Variants in KCP observed in about 807,000 individuals in gnomAD.
KCP encodes the protein kielin/chordin-like protein.
KCP carries 194 observed loss-of-function variants against 212.7 expected under a neutral mutation model. That is an observed-to-expected ratio of 0.91 (90% confidence interval 0.81 to 1.03). The LOEUF is 1.03. KCP is among the 50% of genes least tolerant of loss of function. The pLI, the probability that KCP is intolerant of heterozygous loss-of-function variation, is 0.00. For synonymous variants in KCP, 833 were observed against 865.3 expected (o/e 0.96, Z 0.65); for missense variants, 2,080 against 2,162.5 (o/e 0.96, Z 0.76).
intron 22 of KCP, among the ~76,000 whole-genome samples, chr7:128,887,907 A>C: frequency 6.7e-6 from 1 of 150,314 alleles, no homozygotes; most frequent in East Asian, 2.0e-4. Context: ...ACACATACAC[A>C]TACACACCCA....
intron 11 of KCP, 72 bp downstream of exon 11, chr7:128,893,734 A>G: frequency 6.8e-7 from 1 of 1,467,732 alleles, no homozygotes; most frequent in East Asian, 2.5e-5. Context: ...CAAGAGAAGC[A>G]AATCCCCCAC....
Position 128,891,084 on chromosome 7 carries a change from G to A in KCP, c.1985C>T (p.Pro662Leu). ...CGCGCCGGGCCGTGGGCAGCCGGCGGGGGCTGGGGCGGCTGCGGCGAGACA... is the reference window on the plus strand; with the variant it reads ...CGCGCCGGGCCGTGGGCAGCCGGCGAGGGCTGGGGCGGCTGCGGCGAGACA... The part of the protein sequence containing the change: ...CCPQCPAAPA[P>L]AGCPRPGAAH... The change falls in exon 20 of 40, where the codon CCC (proline) becomes CTC (leucine). Residue 662 changes from proline to leucine, a missense_variant. By Grantham distance (98) the Pro-to-Leu change is moderately conservative (BLOSUM62 -3). Coordinates refer to ENST00000610776, the MANE Select transcript of KCP (RefSeq NM_001366122.1). 3 of 1,422,240 alleles carry A rather than the reference G, an allele frequency of 2.1e-6. No homozygotes were observed. The highest frequency in any genetic ancestry group is 3.1e-5 in the Admixed American group (1 of 32,440). The allele number at this position is 1,422,240 out of a possible 1,614,324, so 88.1% of individuals were successfully genotyped here. A position where few individuals can be genotyped will look rare whatever the true frequency, so the allele number is the denominator to read the frequency against.
At chr7:128,906,793 A>G (rs1438905504) in intron 4 of KCP, among the ~76,000 whole-genome samples, 1 of 151,772 alleles carries the variant, frequency 6.6e-6, no homozygotes, top group East Asian at 2.0e-4. Context: ...GTTGGTGCAA[A>G]AGTAATTGCG....
chr7:128,893,725 A>G, intron 11 of KCP, 81 bp downstream of exon 11: 1 of 1,432,168 alleles, frequency 7.0e-7, no homozygotes, highest in Non-Finnish European at 9.5e-7. Context: ...GCTTAGGTCC[A>G]AGAGAAGCAA....
chr7:128,879,528 C>G lies in KCP; in HGVS notation c.4140G>C (p.Gly1380=). 1 of 1,549,180 alleles carries G rather than the reference C, an allele frequency of 6.5e-7. No individual in the cohort carries two copies. Among genetic ancestry groups the G allele is most frequent in the African/African-American group, 1.4e-5 (1 of 73,118 alleles). ...ACTCGCCCTGGAGCCGCACCTGGAG[C>G]CCGGGCTGGGCGTGCAGGATCACAG... The part of the protein sequence containing the change: ...GHTVILHAQP[G]LQVLWDGQSQ... The change falls in exon 37 of 40, where the codon GGG becomes GGC. Residue 1380 remains glycine (G), a synonymous_variant. Coordinates refer to ENST00000610776, the MANE Select transcript of KCP (RefSeq NM_001366122.1).
Position 128,879,803 on chromosome 7 carries a change from C to T in KCP, c.3959G>A (p.Gly1320Asp), listed in dbSNP as rs1585192927. The T allele has an allele frequency of 6.4e-7, 1 of 1,550,864 alleles. No individual in the cohort carries two copies. ...FSVHVTNDDRGRSGVAWTQEV... is the reference protein window; with the variant it reads ...FSVHVTNDDRDRSGVAWTQEV... ...CTGGGTCCAGGCCACACCGCTCCGG[C>T]CCCGGTCATCATTGGTCACGTGCAC... Residue 1320 changes from glycine to aspartate, a missense_variant, in exon 36 of 40, where the codon GGC becomes GAC. By Grantham distance (94) the Gly-to-Asp change is moderately conservative. Coordinates refer to ENST00000610776, the MANE Select transcript of KCP (RefSeq NM_001366122.1).
In KCP at chr7:128,892,783, G is replaced by A. The variant is rs1452485887; in HGVS notation, c.1432C>T (p.Pro478Ser). 2 of 1,551,694 alleles carry A rather than the reference G, an allele frequency of 1.3e-6. No homozygotes were observed. The highest frequency in any genetic ancestry group is 2.4e-5 in the East Asian group (1 of 40,920). The change falls in exon 15 of 40, where the codon CCC becomes TCC. Residue 478 changes from proline to serine, a missense_variant. Coordinates refer to ENST00000610776, the MANE Select transcript of KCP (RefSeq NM_001366122.1). ...HPTQPPGACCPSCDSCTYHSQ... is the reference protein window; with the variant it reads ...HPTQPPGACCSSCDSCTYHSQ... ...TGGTAGGTGCAGCTGTCACAGCTGG[G>A]GCAGCAGGCACCTGGGTGGGGCAGG...
At chr7:128,907,558 A>G in intron 2 of KCP, 105 bp from the exon 3 acceptor site, 1 of 767,636 alleles carries the variant, frequency 1.3e-6, no homozygotes, top group Non-Finnish European at 1.9e-6. Context: ...GAAGTTCGCC[A>G]ATTCCAGAGC....
rs1318712492 is a variant in KCP, at chr7:128,880,077, G to A, written c.3768C>T (p.Ala1256=). ...CSPLSCGPDK[A]PALSPGSCCP... Reference sequence around the variant, plus strand: ...AGCAGCTGCCAGGACTCAGGGCAGGGGCCTTGTCCTGCACTCAGCCCCAGA... The same window carrying A: ...AGCAGCTGCCAGGACTCAGGGCAGGAGCCTTGTCCTGCACTCAGCCCCAGA... The change falls in exon 35 of 40, where the codon GCC becomes GCT. Residue 1256 remains alanine, a synonymous_variant. Transcript: ENST00000610776. 1.9e-6 allele frequency: 3 copies of A among 1,540,508 alleles called. No individual in the cohort carries two copies. The highest frequency in any genetic ancestry group is 2.6e-6 in the Non-Finnish European group (3 of 1,142,946).
chr7:128,892,663 GGCA>G (rs1315030324), intron 15 of KCP, 22 bp downstream of exon 15: 20 of 1,551,006 alleles, frequency 1.3e-5, no homozygotes, highest in Non-Finnish European at 1.6e-5. Flanking sequence ...GGCTCAGCAG[GGCA>G]GCAGCAAGGC....
chr7:128,889,259 A>G (rs563618448), intron 21 of KCP, among the ~76,000 whole-genome samples: 5 of 152,226 alleles, frequency 3.3e-5, no homozygotes, highest in African/African-American at 1.2e-4. Flanking sequence ...ATCCTGCAAA[A>G]AACCTTCCTG....
intron 8 of KCP, among the ~76,000 whole-genome samples, chr7:128,897,233 C>G (rs1302292677): frequency 6.6e-6 from 1 of 152,156 alleles, no homozygotes; most frequent in Admixed American, 6.5e-5. Context: ...ACCTGTAAGC[C>G]TGCTTTGCAA....
intron 7 of KCP, chr7:128,903,446 G>A (rs1001621641): frequency 2.9e-5 from 15 of 513,514 alleles, no homozygotes; most frequent in African/African-American, 2.7e-4. Flanking sequence ...ATCCCTGAGG[G>A]CTGACCCCAT....
At position 128,885,234 on chromosome 7, in the gene KCP, C is replaced by T. The variant is rs745460177; in HGVS notation, c.2903G>A (p.Ser968Asn). 3.8e-5 allele frequency: 59 copies of T among 1,550,244 alleles called. 1 individual carries two copies. Among genetic ancestry groups the T allele is most frequent in the Non-Finnish European group, 3.9e-5 (45 of 1,146,534 alleles). ...LAHGEEHPEG[S>N]RWVPPDSACS... is the part of the protein sequence containing the mutation. Reference sequence around the variant, plus strand: ...GGCACTGTCGGGGGGCACCCATCTACTGCCTTCGGGGTGCTCTTCCCCATG... The same window carrying T: ...GGCACTGTCGGGGGGCACCCATCTATTGCCTTCGGGGTGCTCTTCCCCATG... The change falls in exon 27 of 40, where the codon AGT becomes AAT. Residue 968 changes from serine to asparagine, a missense_variant. Physicochemically the swap from Ser to Asn is conservative, Grantham distance 46. Coordinates refer to ENST00000610776, the MANE Select transcript of KCP (RefSeq NM_001366122.1).
intron 29 of KCP, 93 bp downstream of exon 29, chr7:128,883,909 G>C (rs1793481894): frequency 7.0e-7 from 1 of 1,434,548 alleles, no homozygotes; most frequent in East Asian, 2.6e-5. Context: ...ACTGGAGTCA[G>C]GAAGAATCTG....
chr7:128,879,797 C>G lies in KCP; in HGVS notation c.3965G>C (p.Ser1322Thr). 6.4e-7 allele frequency: 1 copy of G among 1,550,816 alleles called. No individual in the cohort carries two copies. The highest frequency in any genetic ancestry group is 8.7e-7 in the Non-Finnish European group (1 of 1,146,976). The part of the protein sequence containing the change: ...VHVTNDDRGR[S>T]GVAWTQEVAV... ...CACCTCCTGGGTCCAGGCCACACCG[C>G]TCCGGCCCCGGTCATCATTGGTCAC... Residue 1322 changes from serine to threonine, a missense_variant, in exon 36 of 40, where the codon AGC (serine) becomes ACC (threonine). Transcript: ENST00000610776.
chr7:128,893,321 T>G lies in KCP; in HGVS notation c.1186-2A>C. On this transcript the variant is annotated splice_acceptor_variant, in intron 12 of 39. Transcript: ENST00000610776. LOFTEE classifies it high-confidence loss of function. ...CTCCTCACAGGAGACCTCGCCAGCC[T>G]AGGAGGGAAGCAGGTGAGACACCCT... The G allele has an allele frequency of 6.4e-7, 1 of 1,551,372 alleles. No homozygotes were observed. Among genetic ancestry groups the G allele is most frequent in the South Asian group, 1.2e-5 (1 of 84,050 alleles).
chr7:128,893,002 C>G lies in KCP; in HGVS notation c.1287G>C (p.Glu429Asp), dbSNP rs766330971. 10 of 977,546 alleles carry G rather than the reference C, an allele frequency of 1.0e-5. No homozygotes were observed. Among genetic ancestry groups the G allele is most frequent in the Non-Finnish European group, 1.6e-5 (10 of 622,476 alleles). The allele number at this position is 977,546 out of a possible 1,614,324, so 60.6% of individuals were successfully genotyped here. A position where few individuals can be genotyped will look rare whatever the true frequency, so the allele number is the denominator to read the frequency against. ...CCCACTGGACTCCCTCAGCAAACTCCTCTCCATCCAGCTCACAGGCTGTAG... is the reference window on the plus strand; with the variant it reads ...CCCACTGGACTCCCTCAGCAAACTCGTCTCCATCCAGCTCACAGGCTGTAG... ...QLCPACELDG[E>D]EFAEGVQWEP... Residue 429 changes from glutamate (E) to aspartate (D), a missense_variant, in exon 14 of 40, where the codon GAG becomes GAC. Glu to Asp is a conservative substitution (Grantham distance 45). Coordinates refer to ENST00000610776, the MANE Select transcript of KCP (RefSeq NM_001366122.1).
At position 128,892,761 on chromosome 7, in the gene KCP, T is replaced by C; in HGVS notation, c.1454A>G (p.Tyr485Cys). 2 of 1,551,686 alleles carry C rather than the reference T, an allele frequency of 1.3e-6. No homozygotes were observed. Among genetic ancestry groups the C allele is most frequent in the Non-Finnish European group, 1.7e-6 (2 of 1,146,948 alleles). ...CCCATTGGCATACACTTGGCTGTGG[T>C]AGGTGCAGCTGTCACAGCTGGGGCA... Reference protein sequence around the residue: ...ACCPSCDSCTYHSQVYANGQN... With the variant: ...ACCPSCDSCTCHSQVYANGQN... The change falls in exon 15 of 40, where the codon TAC becomes TGC. Residue 485 changes from tyrosine (Y) to cysteine (C), a missense_variant. Transcript: ENST00000610776.
Sources: gnomAD v4.1 joint callset for allele counts (sites outside exome capture counted in the v4.1 genomes callset) on GRCh38, gnomAD v4.1.1 for gene constraint, MANE v1.5 for transcripts, NCBI Gene and HGNC (gene_info 2026-07-23, HGNC 2026-07-21) for gene names.